MRTFB: variants seen among roughly 807,000 people sequenced by gnomAD.
The protein encoded by MRTFB is myocardin-related transcription factor B.
In MRTFB, 29 loss-of-function variants were observed where a neutral mutation model predicts 104.2. The observed-to-expected ratio is 0.28, with a 90% CI of 0.21 to 0.38. The LOEUF is 0.38. Among genes scored for constraint, MRTFB ranks in the 10% least tolerant of loss-of-function variants. MRTFB has a pLI of 1.00. For synonymous variants in MRTFB, 535 were observed against 519.5 expected (o/e 1.03, Z -0.41); for missense variants, 1,270 against 1,341.6 (o/e 0.95, Z 0.83).
chr16:14,046,298 C>T, the MRTFB span, among the ~76,000 whole-genome samples: 1 of 152,070 alleles, frequency 6.6e-6, no homozygotes, highest in African/African-American at 2.4e-5. Flanking sequence ...CGCACTCCAG[C>T]CTGGGTGACA....
At chr16:14,215,143 G>A (rs1405389769) in intron 6 of MRTFB, among the ~76,000 whole-genome samples, 1 of 152,088 alleles carries the variant, frequency 6.6e-6, no homozygotes, top group Non-Finnish European at 1.5e-5. Flanking sequence ...AAGCTTTATT[G>A]ATATAATTAA....
chr16:14,241,834 C>G (rs941121724), intron 10 of MRTFB, among the ~76,000 whole-genome samples: 1 of 152,010 alleles, frequency 6.6e-6, no homozygotes, highest in African/African-American at 2.4e-5. Context: ...GAGCTATTGA[C>G]ATTGGAAGGG....
chr16:14,247,648 G>C (rs2043080980), intron 12 of MRTFB, 141 bp downstream of exon 12: 2 of 713,066 alleles, frequency 2.8e-6, no homozygotes, highest in Non-Finnish European at 4.5e-6. Context: ...TGTGTGAGAG[G>C]GTTATTCAGA....
intron 2 of MRTFB, among the ~76,000 whole-genome samples, chr16:14,101,295 A>G (rs764387763): frequency 6.6e-6 from 1 of 152,142 alleles, no homozygotes; most frequent in Non-Finnish European, 1.5e-5. Flanking sequence ...TTATAGTGTA[A>G]TAACTATGGT....
At chr16:14,145,679 C>T (rs976253238) in intron 3 of MRTFB, among the ~76,000 whole-genome samples, 1 of 152,194 alleles carries the variant, frequency 6.6e-6, no homozygotes, top group Non-Finnish European at 1.5e-5. Context: ...AATGGATATA[C>T]AGAAACACAT....
chr16:14,217,717 GCAT>G (rs1380884811), intron 7 of MRTFB, among the ~76,000 whole-genome samples: 1 of 152,078 alleles, frequency 6.6e-6, no homozygotes, highest in Non-Finnish European at 1.5e-5. Context: ...TTGCTAAGTA[GCAT>G]TATTATTGAA....
At chr16:14,087,238 G>T (rs1168103589) in intron 2 of MRTFB, among the ~76,000 whole-genome samples, 1 of 152,178 alleles carries the variant, frequency 6.6e-6, no homozygotes, top group Non-Finnish European at 1.5e-5. Context: ...GGAAAGGGGA[G>T]GAGAGAACAG....
chr16:14,015,092 G>A, the MRTFB span, among the ~76,000 whole-genome samples: 10 of 152,040 alleles, frequency 6.6e-5, no homozygotes, highest in African/African-American at 1.7e-4. Context: ...TAACATTTGC[G>A]GCTCTACATG....
chr16:14,225,796 T>C (rs1298995741), intron 8 of MRTFB, among the ~76,000 whole-genome samples: 1 of 152,140 alleles, frequency 6.6e-6, no homozygotes, highest in Non-Finnish European at 1.5e-5. Context: ...CCCAGAGATA[T>C]TCTTTATATA....
intron 2 of MRTFB, among the ~76,000 whole-genome samples, chr16:14,123,104 G>C (rs1315574021): frequency 6.6e-6 from 1 of 152,022 alleles, no homozygotes; most frequent in Non-Finnish European, 1.5e-5. Context: ...GAGAAGTGTC[G>C]GTTCACACCC....
chr16:14,099,238 TA>T (rs1279260660), intron 2 of MRTFB, among the ~76,000 whole-genome samples: 2 of 152,158 alleles, frequency 1.3e-5, no homozygotes, highest in African/African-American at 4.8e-5. Flanking sequence ...TTATATTTTT[TA>T]AAATTTCTCT....
At chr16:14,056,937 C>T in the MRTFB span, among the ~76,000 whole-genome samples, 1 of 152,160 alleles carries the variant, frequency 6.6e-6, no homozygotes, top group East Asian at 1.9e-4. Context: ...AATTGAAAGA[C>T]TGATGCTTAA....
At chr16:14,132,785 C>T (rs181924436) in intron 2 of MRTFB, among the ~76,000 whole-genome samples, 4 of 152,210 alleles carry the variant, frequency 2.6e-5, no homozygotes, top group Admixed American at 2.6e-4. Flanking sequence ...ATTACCAACT[C>T]TCTCCATTCC....
At chr16:14,037,644 G>A in the MRTFB span, among the ~76,000 whole-genome samples, 3 of 152,154 alleles carry the variant, frequency 2.0e-5, no homozygotes, top group African/African-American at 7.2e-5. Flanking sequence ...ACAGTTCCCT[G>A]GACTGGCTGC....
the MRTFB span, among the ~76,000 whole-genome samples, chr16:14,017,593 GTATATATATATATATATATATA>G: frequency 0.044 from 2,608 of 59,022 alleles, 196 homozygotes; most frequent in African/African-American, 0.11. Context: ...ACTGACTACA[GTATATATATATATATATATATA>G]TATATATATA....
At chr16:14,230,781 G>A (rs542931532) in intron 8 of MRTFB, among the ~76,000 whole-genome samples, 10 of 152,090 alleles carry the variant, frequency 6.6e-5, no homozygotes, top group African/African-American at 1.2e-4. Flanking sequence ...TCCCATTACC[G>A]GGTATATACC....
At chr16:14,204,557 A>G (rs556177678) in intron 3 of MRTFB, among the ~76,000 whole-genome samples, 7 of 152,190 alleles carry the variant, frequency 4.6e-5, no homozygotes, top group Non-Finnish European at 8.8e-5. Flanking sequence ...AAGTAGAGCA[A>G]ATTCAAAACA....
chr16:14,069,789 A>G (rs974203946), upstream of MRTFB, among the ~76,000 whole-genome samples: 1 of 152,160 alleles, frequency 6.6e-6, no homozygotes, highest in African/African-American at 2.4e-5. Flanking sequence ...GCCTACATCT[A>G]TCTAGAACCT....
chr16:14,021,257 G>A, the MRTFB span, among the ~76,000 whole-genome samples: 12 of 152,180 alleles, frequency 7.9e-5, no homozygotes, highest in Non-Finnish European at 5.9e-5. Flanking sequence ...GTTGTTGGCT[G>A]AATTCAGTTC....
Sources: allele counts gnomAD v4.1 joint callset (sites outside exome capture counted in the v4.1 genomes callset), GRCh38; gene constraint gnomAD v4.1.1; transcripts MANE v1.5; gene names NCBI Gene and HGNC (gene_info 2026-07-23, HGNC 2026-07-21).